Variants in SLC25A17 observed in about 807,000 individuals in gnomAD.
SLC25A17 encodes peroxisomal membrane protein PMP34.
In SLC25A17, 26 loss-of-function variants were observed where a neutral mutation model predicts 38.5. The ratio of observed to expected loss-of-function variants is 0.68; its 90% CI spans 0.50 to 0.94. The LOEUF (loss-of-function observed/expected upper bound fraction) is 0.94. Among genes scored for constraint, SLC25A17 ranks in the 40% least tolerant of loss-of-function variants. SLC25A17 has a pLI of 0.00. For missense variants in SLC25A17, 333 were observed against 372.7 expected, an observed-to-expected ratio of 0.89 and a Z score of 0.88; for synonymous variants, 139 against 136.2, an observed-to-expected ratio of 1.02 and a Z score of -0.14.
At position 40,789,454 on chromosome 22, in the gene SLC25A17, A is replaced by G. The variant is rs1400744355; in HGVS notation, c.334+3071T>C. On this transcript the variant is annotated intron_variant, in intron 4 of 8. Coordinates refer to ENST00000435456, the MANE Select transcript of SLC25A17 (RefSeq NM_006358.4). This position sits in a 1 kb window ranked among gnomAD's most constrained non-coding sequence, Gnocchi z 4.5. Reference sequence around the variant, plus strand: ...AGCGACTCAGGAGCTGGGTCTCCCAACCATTTTCATTTTCTTTCTTTCCTT... The same window carrying G: ...AGCGACTCAGGAGCTGGGTCTCCCAGCCATTTTCATTTTCTTTCTTTCCTT... 1.3e-5 allele frequency among the ~76,000 whole-genome samples: 2 copies of G among 152,028 alleles called. No homozygotes were observed. The highest frequency in any genetic ancestry group is 4.8e-5 in the African/African-American group (2 of 41,376).
chr22:40,773,181 G>C (rs1311346290), intron 8 of SLC25A17, among the ~76,000 whole-genome samples: 1 of 152,034 alleles, frequency 6.6e-6, no homozygotes, highest in South Asian at 2.1e-4. Flanking sequence ...AGGCTGAGAA[G>C]GGCAGATCAC....
chr22:40,818,109 C>G (rs1250097106), intron 1 of SLC25A17, among the ~76,000 whole-genome samples: 1 of 152,188 alleles, frequency 6.6e-6, no homozygotes, highest in African/African-American at 2.4e-5. Flanking sequence ...CCAGATTAGT[C>G]TACAGAGAAG....
intron 1 of SLC25A17, among the ~76,000 whole-genome samples, chr22:40,815,512 G>C (rs1053691820): frequency 1.3e-5 from 2 of 152,184 alleles, no homozygotes; most frequent in African/African-American, 4.8e-5. Context: ...CAAGTGAAGG[G>C]AATGGGTGGA....
At chr22:40,793,682 G>A (rs2057403150) in intron 3 of SLC25A17, among the ~76,000 whole-genome samples, 3 of 151,760 alleles carry the variant, frequency 2.0e-5, no homozygotes, top group Non-Finnish European at 2.9e-5. Context: ...GCGCGATCTC[G>A]GCTCACCGCA....
intron 1 of SLC25A17, 105 bp downstream of exon 1, chr22:40,819,090 C>T: frequency 8.0e-7 from 1 of 1,245,650 alleles, no homozygotes; most frequent in Non-Finnish European, 1.1e-6. Context: ...TGGACCCCAA[C>T]CCACACTACC....
chr22:40,779,036 C>T lies in SLC25A17; in HGVS notation c.424G>A (p.Val142Ile). Residue 142 changes from valine (V) to isoleucine (I), a missense_variant, in exon 5 of 9, where the codon GTA becomes ATA. Transcript: ENST00000435456. ...QGAKFRNEDI[V>I]PTNYKGIIDA... ...ATGATACCTTTGTAGTTTGTTGGTACAATGTCTTCATTCCTAAATTTTGCT... is the reference window on the plus strand; with the variant it reads ...ATGATACCTTTGTAGTTTGTTGGTATAATGTCTTCATTCCTAAATTTTGCT... 6.2e-7 allele frequency: 1 copy of T among 1,614,052 alleles called. No individual in the cohort carries two copies. Among genetic ancestry groups the T allele is most frequent in the Admixed American group, 1.7e-5 (1 of 60,014 alleles).
At chr22:40,792,167 T>C (rs2057390396) in intron 4 of SLC25A17, among the ~76,000 whole-genome samples, 1 of 152,146 alleles carries the variant, frequency 6.6e-6, no homozygotes, top group Admixed American at 6.5e-5. Context: ...ATTCGACTTA[T>C]ATCAAGTATC....
At position 40,787,092 on chromosome 22, in the gene SLC25A17, T is replaced by C. The variant is rs150239450; in HGVS notation, c.334+5433A>G. 3.4e-4 allele frequency among the ~76,000 whole-genome samples: 52 copies of C among 152,158 alleles called. No homozygotes were observed. The East Asian group carries it at 8.9e-3, about 26-fold the overall frequency. On this transcript the variant is annotated intron_variant, in intron 4 of 8. Transcript: ENST00000435456. ...GAGGTAGATGCCATGTTGGAGCACA[T>C]AGAAAGGGCACCTAACCCAGAATAA...
chr22:40,786,129 G>A (rs1003745775), intron 4 of SLC25A17, among the ~76,000 whole-genome samples: 5 of 152,120 alleles, frequency 3.3e-5, no homozygotes, highest in African/African-American at 1.2e-4. Context: ...TGGCCAACGT[G>A]GTGAAACTCC....
chr22:40,802,091 C>A (rs1272915282), intron 1 of SLC25A17, among the ~76,000 whole-genome samples: 1 of 151,984 alleles, frequency 6.6e-6, no homozygotes, highest in South Asian at 2.1e-4. Context: ...CGTGCCTGGC[C>A]GGTACTGCAT....
At chr22:40,781,971 C>T (rs1354782168) in intron 4 of SLC25A17, among the ~76,000 whole-genome samples, 1 of 152,122 alleles carries the variant, frequency 6.6e-6, no homozygotes, top group Admixed American at 6.6e-5. Flanking sequence ...CCTGGAATCC[C>T]AGCACTTTGG....
At chr22:40,818,829 C>T (rs2057667435) in intron 1 of SLC25A17, among the ~76,000 whole-genome samples, 1 of 152,000 alleles carries the variant, frequency 6.6e-6, no homozygotes, top group Non-Finnish European at 1.5e-5. Flanking sequence ...AAGCATGTGA[C>T]TAAGCAACAC....
At chr22:40,772,845 C>T (rs1484222533) in intron 8 of SLC25A17, among the ~76,000 whole-genome samples, 2 of 152,010 alleles carry the variant, frequency 1.3e-5, no homozygotes, top group Non-Finnish European at 2.9e-5. Flanking sequence ...CACTACTTTG[C>T]CCAGGCTGGT....
At chr22:40,801,125 T>TTACATA in intron 1 of SLC25A17, among the ~76,000 whole-genome samples, 1 of 49,548 alleles carries the variant, frequency 2.0e-5, no homozygotes, top group South Asian at 7.5e-4. Flanking sequence ...AAAAAATATA[T>TTACATA]TACATATATA....
rs370879399 is a variant in SLC25A17, at chr22:40,796,303, C to T, written c.116-1723G>A. ...AATTTCCTAAGAATTAAAATTGGTA[C>T]CAGTATGGCTTGTGGGATGGCAAAC... On this transcript the variant is annotated intron_variant, in intron 2 of 8. Coordinates refer to ENST00000435456, the MANE Select transcript of SLC25A17 (RefSeq NM_006358.4). Among the ~76,000 whole-genome samples, 214 of 152,200 alleles carry T rather than the reference C, an allele frequency of 1.4e-3. 4 individuals carry two copies. In the South Asian group the frequency reaches 0.044, roughly 31 times the overall value.
intron 1 of SLC25A17, among the ~76,000 whole-genome samples, chr22:40,808,047 C>T (rs577448646): frequency 4.0e-5 from 6 of 150,358 alleles, no homozygotes; most frequent in African/African-American, 1.5e-4. Flanking sequence ...CACAAAATAC[C>T]GAGAAGATAA....
At chr22:40,781,593 T>C (rs189921196) in intron 4 of SLC25A17, among the ~76,000 whole-genome samples, 1 of 152,286 alleles carries the variant, frequency 6.6e-6, no homozygotes. Context: ...ATGTACCACA[T>C]TACTTAAATA....
chr22:40,808,836 A>T (rs2057552494), intron 1 of SLC25A17, among the ~76,000 whole-genome samples: 2 of 152,242 alleles, frequency 1.3e-5, no homozygotes, highest in Non-Finnish European at 2.9e-5. Context: ...CCTTTTCATA[A>T]GAATCATTAT....
rs747699392 is a variant in SLC25A17 at position 40,774,071 on chromosome 22, T to C, written c.694-52A>G. On this transcript the variant is annotated intron_variant, in intron 7 of 8. Coordinates refer to ENST00000435456, the MANE Select transcript of SLC25A17 (RefSeq NM_006358.4). Reference sequence around the variant, plus strand: ...AGTACTGTTGCTGTTTTTTAAAATCTTCATTTTTACCTGGGGAGGATATTA... The same window carrying C: ...AGTACTGTTGCTGTTTTTTAAAATCCTCATTTTTACCTGGGGAGGATATTA... The C allele has an allele frequency of 4.4e-6, 5 of 1,141,722 alleles. No individual in the cohort carries two copies. In the Admixed American group the frequency reaches 6.9e-5, roughly 16 times the overall value. 70.7% of individuals were successfully genotyped at this position (1,141,722 alleles called of 1,614,324 possible). A position where few individuals can be genotyped will look rare whatever the true frequency, so the allele number is the denominator to read the frequency against.
Sources: allele counts gnomAD v4.1 joint callset (sites outside exome capture counted in the v4.1 genomes callset), GRCh38; gene constraint gnomAD v4.1.1; non-coding constraint Gnocchi (gnomAD v3.1); transcripts MANE v1.5; gene names NCBI Gene and HGNC (gene_info 2026-07-23, HGNC 2026-07-21).